LHPP: variants seen among roughly 807,000 people sequenced by gnomAD.
LHPP encodes hLHPP.
Under a neutral mutation model 30.3 loss-of-function variants are expected in LHPP, and 24 were observed. The observed-to-expected ratio is 0.79, with a 90% confidence interval of 0.57 to 1.11. The LOEUF (loss-of-function observed/expected upper bound fraction) is 1.11. Among genes scored for constraint, LHPP ranks in the 50% most tolerant of loss-of-function variants. The pLI, the probability that LHPP is intolerant of heterozygous loss-of-function variation, is 0.00. For synonymous variants in LHPP, 150 were observed against 157.1 expected (o/e 0.95, Z 0.34); for missense variants, 356 against 367.2 (o/e 0.97, Z 0.25).
At chr10:124,554,510 A>G (rs533041995) in intron 6 of LHPP, among the ~76,000 whole-genome samples, 1 of 152,378 alleles carries the variant, frequency 6.6e-6, no homozygotes, top group South Asian at 2.1e-4. Context: ...CTCAGTTTCT[A>G]TAATGGGATA....
chr10:124,605,259 C>G (rs41306003), intron 6 of LHPP: 1 of 152,326 alleles, frequency 6.6e-6, no homozygotes, highest in Non-Finnish European at 1.5e-5. Context: ...GCCTGCCCAG[C>G]TGGGGGCCTT....
intron 1 of LHPP, among the ~76,000 whole-genome samples, chr10:124,480,023 CA>C (rs1445803620): frequency 1.3e-5 from 2 of 152,342 alleles, no homozygotes; most frequent in African/African-American, 2.4e-5. Flanking sequence ...AGGACAAAAT[CA>C]GATCATGGAT....
chr10:124,537,477 G>A (rs1023475879), intron 6 of LHPP, among the ~76,000 whole-genome samples: 3 of 152,216 alleles, frequency 2.0e-5, no homozygotes, highest in African/African-American at 4.8e-5. Context: ...TGGCCCCATC[G>A]AAGGCTGGTG....
chr10:124,538,520 G>A (rs981173537), intron 6 of LHPP, among the ~76,000 whole-genome samples: 1 of 152,190 alleles, frequency 6.6e-6, no homozygotes, highest in Admixed American at 6.5e-5. Flanking sequence ...TAGTGGACAG[G>A]CCTCCCTCCC....
At chr10:124,587,024 CTTTT>C (rs57728201) in intron 6 of LHPP, among the ~76,000 whole-genome samples, 5 of 120,736 alleles carry the variant, frequency 4.1e-5, no homozygotes, top group Non-Finnish European at 5.2e-5. Flanking sequence ...GTGCTTGCTA[CTTTT>C]TTTTTTTTTT....
At position 124,553,650 on chromosome 10, in the gene LHPP, A is replaced by G. The variant is rs369523628; in HGVS notation, c.716+36379A>G. Among the ~76,000 whole-genome samples, 255 of 152,008 alleles carry G rather than the reference A, an allele frequency of 1.7e-3. 1 individual carries two copies. Among genetic ancestry groups the G allele is most frequent in the African/African-American group, 5.1e-3 (212 of 41,482 alleles). On this transcript the variant is annotated intron_variant, in intron 6 of 6. Coordinates refer to ENST00000368842, the MANE Select transcript of LHPP (RefSeq NM_022126.4). ...ATTTTTTGTATTTTTTAGTAGAGAC[A>G]GGGTTTCACCGTGTTAGCCAGGATG...
At chr10:124,463,418 A>T (rs1335814594) in intron 1 of LHPP, among the ~76,000 whole-genome samples, 1 of 151,450 alleles carries the variant, frequency 6.6e-6, no homozygotes, top group East Asian at 2.0e-4. Context: ...GCCGGAGTGC[A>T]GTGGCGCCAT....
intron 6 of LHPP, among the ~76,000 whole-genome samples, chr10:124,611,501 TGGG>T (rs1311965224): frequency 4.0e-5 from 6 of 151,414 alleles, no homozygotes; most frequent in African/African-American, 1.5e-4. Context: ...GGCAAGGAAG[TGGG>T]GGCGCTGGAG....
At chr10:124,578,295 C>T (rs577279649) in intron 6 of LHPP, among the ~76,000 whole-genome samples, 6 of 152,334 alleles carry the variant, frequency 3.9e-5, no homozygotes, top group African/African-American at 7.2e-5. Context: ...GCACACGCCC[C>T]GTGACCACCT....
chr10:124,608,367 C>T (rs1428050603), intron 6 of LHPP, among the ~76,000 whole-genome samples: 1 of 152,154 alleles, frequency 6.6e-6, no homozygotes, highest in Non-Finnish European at 1.5e-5. Context: ...CGGTGCATTC[C>T]CTGGACAGGA....
At position 124,592,723 on chromosome 10, in the gene LHPP, C is replaced by G. The variant is rs1948896623; in HGVS notation, c.717-20541C>G. On this transcript the variant is annotated intron_variant, in intron 6 of 6. Coordinates refer to ENST00000368842, the MANE Select transcript of LHPP (RefSeq NM_022126.4). This position sits in a 1 kb window ranked among gnomAD's most constrained non-coding sequence, Gnocchi z 6.2. ...CTTCCCAGTAAACGGTGGGACAGGA[C>G]CAGGGTCTGAGGAAAAGCAAAGCAG... Among the ~76,000 whole-genome samples the G allele has an allele frequency of 1.3e-5, 2 of 152,174 alleles. No homozygotes were observed. Among genetic ancestry groups the G allele is most frequent in the Admixed American group, 6.5e-5 (1 of 15,286 alleles).
chr10:124,555,437 C>T (rs1948281367), intron 6 of LHPP, among the ~76,000 whole-genome samples: 1 of 152,140 alleles, frequency 6.6e-6, no homozygotes, highest in South Asian at 2.1e-4. Context: ...TTGTCCAAAG[C>T]CCGGCTGGGT....
intron 6 of LHPP, among the ~76,000 whole-genome samples, chr10:124,565,153 C>G (rs1391760062): frequency 6.6e-6 from 1 of 152,170 alleles, no homozygotes; most frequent in Non-Finnish European, 1.5e-5. Context: ...AGGGGCTTCA[C>G]TCGCCGAAGC....
intron 6 of LHPP, among the ~76,000 whole-genome samples, chr10:124,520,444 A>G (rs960771311): frequency 6.6e-6 from 1 of 152,178 alleles, no homozygotes; most frequent in African/African-American, 2.4e-5. Flanking sequence ...TACTGTCCAT[A>G]TCCATCCGTA....
chr10:124,556,519 T>A (rs1564829071), intron 6 of LHPP, among the ~76,000 whole-genome samples: 1 of 152,228 alleles, frequency 6.6e-6, no homozygotes, highest in South Asian at 2.1e-4. Flanking sequence ...TATTTTGGAT[T>A]TTTGCTTTAA....
chr10:124,517,302 T>A lies in LHPP; in HGVS notation c.716+31T>A. 7.1e-7 allele frequency: 1 copy of A among 1,410,382 alleles called. No individual in the cohort carries two copies. The highest frequency in any genetic ancestry group is 9.7e-7 in the Non-Finnish European group (1 of 1,029,872). The allele number at this position is 1,410,382 out of a possible 1,614,324, so 87.4% of individuals were successfully genotyped here. A position where few individuals can be genotyped will look rare whatever the true frequency, so the allele number is the denominator to read the frequency against. ...TGCCAGCTGGAGTCATTTATTCACC[T>A]TCCTTCCAGGGGATGACCACATTCT... is the stretch of plus-strand genomic sequence containing the variant. On this transcript the variant is annotated intron_variant, in intron 6 of 6. Coordinates refer to ENST00000368842, the MANE Select transcript of LHPP (RefSeq NM_022126.4). The surrounding 1 kb of genome is among the most constrained non-coding windows in gnomAD (Gnocchi z 4.1).
At chr10:124,472,477 T>C (rs1199635895) in intron 1 of LHPP, among the ~76,000 whole-genome samples, 1 of 152,214 alleles carries the variant, frequency 6.6e-6, no homozygotes, top group African/African-American at 2.4e-5. Context: ...GACTTCGCTC[T>C]GTTTGGTGCT....
intron 2 of LHPP, 43 bp downstream of exon 2, chr10:124,484,369 C>A: frequency 6.4e-7 from 1 of 1,574,236 alleles, no homozygotes; most frequent in South Asian, 1.1e-5. Flanking sequence ...GTGAAAGCTC[C>A]CCTTTCCCAG....
At chr10:124,599,341 C>T (rs1018907204) in intron 6 of LHPP, among the ~76,000 whole-genome samples, 1 of 152,248 alleles carries the variant, frequency 6.6e-6, no homozygotes, top group Non-Finnish European at 1.5e-5. Context: ...TGCACCATCT[C>T]GGTGAATCTC....
Sources: gnomAD v4.1 joint callset for allele counts (sites outside exome capture counted in the v4.1 genomes callset) on GRCh38, gnomAD v4.1.1 for gene constraint, Gnocchi (gnomAD v3.1) non-coding constraint, MANE v1.5 for transcripts, NCBI Gene and HGNC (gene_info 2026-07-23, HGNC 2026-07-21) for gene names.